Variants in CREBBP observed in about 807,000 individuals in gnomAD.
CREBBP encodes the protein CREB binding lysine acetyltransferase.
CREBBP carries 19 observed loss-of-function variants against 265.0 expected under a neutral mutation model. The observed-to-expected ratio is 0.07, with a 90% CI of 0.05 to 0.11. The LOEUF is 0.11. Ranked by LOEUF, CREBBP falls within the 10% of genes least tolerant of loss-of-function variation. The probability of loss-of-function intolerance (pLI) is 1.00; values close to 1 mark genes in which losing one functional copy is unlikely to be tolerated. For synonymous variants in CREBBP, 1,457 were observed against 1,223.7 expected, an observed-to-expected ratio of 1.19 and a Z score of -3.98; for missense variants, 2,525 against 3,219.0, an observed-to-expected ratio of 0.78 and a Z score of 5.22.
intron 20 of CREBBP, among the ~76,000 whole-genome samples, chr16:3,750,512 G>C (rs1189459885): frequency 1.3e-5 from 2 of 152,208 alleles, no homozygotes; most frequent in Non-Finnish European, 2.9e-5. Context: ...GGCAGATGTG[G>C]TGGGTGGCTG....
chr16:3,725,168 G>A lies in CREBBP; in HGVS notation c.*2550C>T, dbSNP rs9392. 0.23 allele frequency: 53,898 copies of A among 233,296 alleles called. 6,831 individuals carry two copies. The highest frequency in any genetic ancestry group is 0.43 in the East Asian group (7,136 of 16,518). 14.5% of individuals were successfully genotyped at this position (233,296 alleles called of 1,614,324 possible). A position where few individuals can be genotyped will look rare whatever the true frequency, so the allele number is the denominator to read the frequency against. ...TTCTCCTCTTAAGTATACAGCATGA[G>A]ACACAGCGTTGGGGCTTTCCAGGTT... On this transcript the variant is annotated 3_prime_UTR_variant, in exon 31 of 31. Coordinates refer to ENST00000262367, the MANE Select transcript of CREBBP (RefSeq NM_004380.3).
rs924603943 is a variant in CREBBP, at chr16:3,763,855, T to G, written c.3250+3865A>C. 1.4e-4 allele frequency among the ~76,000 whole-genome samples: 21 copies of G among 151,062 alleles called. 1 individual carries two copies. Among genetic ancestry groups the G allele is most frequent in the African/African-American group, 5.1e-4 (21 of 41,082 alleles). ...GGGAAAAAAGCAATCTTTTTTTTTT[T>G]TTTTTTTGAGAAGGAGTCTCACTCT... On this transcript the variant is annotated intron_variant, in intron 16 of 30. Coordinates refer to ENST00000262367, the MANE Select transcript of CREBBP (RefSeq NM_004380.3).
At chr16:3,835,536 A>ACAAAAAAAG (rs1414208761) in intron 2 of CREBBP, among the ~76,000 whole-genome samples, 2 of 151,746 alleles carry the variant, frequency 1.3e-5, no homozygotes, top group Non-Finnish European at 2.9e-5. Flanking sequence ...TTCTATGCCC[A>ACAAAAAAAG]CAAAAAAAGC....
rs1308941978 is a variant in CREBBP, at chr16:3,794,285, T to C, written c.976-659A>G. The stretch of plus-strand genomic sequence containing the variant: ...AGGCGGAGCTTGCAGTGAGCTGAGA[T>C]GGCGCCACCGCACTCCAGCCTGGGC... On this transcript the variant is annotated intron_variant, in intron 3 of 30. Transcript: ENST00000262367. 3.3e-4 allele frequency among the ~76,000 whole-genome samples: 40 copies of C among 121,594 alleles called. 1 individual carries two copies. The allele number at this position is 121,594 out of a possible 152,430, so 79.8% of individuals were successfully genotyped here. A position where few individuals can be genotyped will look rare whatever the true frequency, so the allele number is the denominator to read the frequency against.
chr16:3,828,118 T>C (rs2054274432), intron 2 of CREBBP, among the ~76,000 whole-genome samples: 2 of 151,150 alleles, frequency 1.3e-5, no homozygotes, highest in East Asian at 3.9e-4. Flanking sequence ...TGAGACAGAG[T>C]CTCTCGCTCT....
chr16:3,812,489 C>T (rs2053957931), intron 2 of CREBBP, among the ~76,000 whole-genome samples: 1 of 151,634 alleles, frequency 6.6e-6, no homozygotes. Flanking sequence ...TAAAATTTTC[C>T]ATAATAAAGT....
chr16:3,858,445 C>T (rs981610789), intron 1 of CREBBP, among the ~76,000 whole-genome samples: 2 of 152,302 alleles, frequency 1.3e-5, no homozygotes, highest in Admixed American at 6.5e-5. Flanking sequence ...CTCTTTTATG[C>T]TCCTACAGAC....
intron 5 of CREBBP, among the ~76,000 whole-genome samples, chr16:3,785,611 C>G (rs1027700369): frequency 6.6e-6 from 1 of 152,192 alleles, no homozygotes; most frequent in Non-Finnish European, 1.5e-5. Context: ...CATCGTGGGC[C>G]CTCGCAGCGC....
intron 1 of CREBBP, among the ~76,000 whole-genome samples, chr16:3,859,035 G>A (rs1372445373): frequency 6.6e-6 from 1 of 151,624 alleles, no homozygotes; most frequent in East Asian, 1.9e-4. Flanking sequence ...CCTATTTCCT[G>A]TGAAAAAGGT....
rs2052069390 is a variant in CREBBP at position 3,736,660 on chromosome 16, T to C, written c.4550A>G (p.His1517Arg). The C allele has an allele frequency of 6.2e-7, 1 of 1,614,216 alleles. No homozygotes were observed. Among genetic ancestry groups the C allele is most frequent in the Non-Finnish European group, 8.5e-7 (1 of 1,180,040 alleles). The change falls in exon 27 of 31, where the codon CAT becomes CGT. Residue 1517 changes from histidine to arginine, a missense_variant. His to Arg is a conservative substitution (Grantham distance 29). Around this residue, in one of 19 missense-constraint regions of CREBBP, gnomAD observed 93 missense variants for 161.5 expected, o/e 0.58. Transcript: ENST00000262367. Reference sequence around the variant, plus strand: ...TTCAGCGCCGGGTACCTTGTAGTCATGGATGATCCGCTCTGCAAACGCCTT... The same window carrying C: ...TTCAGCGCCGGGTACCTTGTAGTCACGGATGATCCGCTCTGCAAACGCCTT... ...LDKAFAERIIHDYKDIFKQAT... is the reference protein window; with the variant it reads ...LDKAFAERIIRDYKDIFKQAT...
intron 26 of CREBBP, chr16:3,737,063 A>G (rs1310509218): frequency 8.7e-6 from 5 of 572,554 alleles, no homozygotes; most frequent in Non-Finnish European, 1.6e-5. Flanking sequence ...CCGAGGCTGC[A>G]AAAGAAACCT....
chr16:3,767,881 G>A lies in CREBBP; in HGVS notation c.3089C>T (p.Ser1030Phe), dbSNP rs757051244. 30 of 1,613,870 alleles carry A rather than the reference G, an allele frequency of 1.9e-5. No homozygotes were observed. In the Admixed American group the frequency reaches 3.3e-4, roughly 18 times the overall value. Reference sequence around the variant, plus strand: ...TATGTCTGTTTCTTCTTTAACTTGGGAAGCTCCTTGCAAATCCTCCTCCAT... The same window carrying A: ...TATGTCTGTTTCTTCTTTAACTTGGAAAGCTCCTTGCAAATCCTCCTCCAT... ...EMMEEDLQGA[S>F]QVKEETDIAE... The change falls in exon 16 of 31, where the codon TCC becomes TTC. Residue 1030 changes from serine to phenylalanine, a missense_variant. Around this residue, in one of 19 missense-constraint regions of CREBBP, gnomAD observed 548 missense variants for 533.0 expected, o/e 1.03. Coordinates refer to ENST00000262367, the MANE Select transcript of CREBBP (RefSeq NM_004380.3).
intron 2 of CREBBP, among the ~76,000 whole-genome samples, chr16:3,831,669 C>G (rs891276011): frequency 6.6e-6 from 1 of 152,150 alleles, no homozygotes; most frequent in Middle Eastern, 3.4e-3. Context: ...AGAGAGCACA[C>G]CAGACATTAT....
At chr16:3,756,085 C>A (rs577231180) in intron 19 of CREBBP, among the ~76,000 whole-genome samples, 21 of 152,058 alleles carry the variant, frequency 1.4e-4, no homozygotes, top group African/African-American at 4.8e-4. Context: ...AATTTTCAGG[C>A]CTGTGAACAA....
In CREBBP at chr16:3,725,251, G is replaced by T. The variant is rs193262955; in HGVS notation, c.*2467C>A. ...GTTAGCATCCACAGACCATGCTCTC[G>T]GTCACATCCTTCGACATCTGGATTG... On this transcript the variant is annotated 3_prime_UTR_variant, in exon 31 of 31. Transcript: ENST00000262367. The T allele has an allele frequency of 4.3e-6, 1 of 233,350 alleles. No individual in the cohort carries two copies. The highest frequency in any genetic ancestry group is 6.0e-5 in the East Asian group (1 of 16,584). The allele number at this position is 233,350 out of a possible 1,614,324, so 14.5% of individuals were successfully genotyped here.
chr16:3,862,067 T>C (rs998011667), intron 1 of CREBBP, among the ~76,000 whole-genome samples: 3 of 152,086 alleles, frequency 2.0e-5, no homozygotes, highest in Non-Finnish European at 2.9e-5. Context: ...TGAGATAGAA[T>C]AGAAGTCGGC....
intron 28 of CREBBP, among the ~76,000 whole-genome samples, chr16:3,732,360 G>T (rs2051939705): frequency 1.3e-5 from 2 of 152,142 alleles, no homozygotes; most frequent in Non-Finnish European, 2.9e-5. Flanking sequence ...GAAAGCTGCT[G>T]ATGGGAAAAG....
chr16:3,824,513 A>T (rs970353208), intron 2 of CREBBP, among the ~76,000 whole-genome samples: 1 of 152,240 alleles, frequency 6.6e-6, no homozygotes, highest in Non-Finnish European at 1.5e-5. Flanking sequence ...TAGTCACAGA[A>T]GGCAAGCACT....
chr16:3,758,824 G>T, intron 17 of CREBBP, 30 bp downstream of exon 17: 1 of 1,520,616 alleles, frequency 6.6e-7, no homozygotes, highest in African/African-American at 1.4e-5. Flanking sequence ...CACCAGCAAA[G>T]TTATAATCTA....
Sources: gnomAD v4.1 joint callset for allele counts (sites outside exome capture counted in the v4.1 genomes callset) on GRCh38, gnomAD v4.1.1 for gene constraint, gnomAD v4.1.1 regional missense constraint, MANE v1.5 for transcripts, NCBI Gene and HGNC (gene_info 2026-07-23, HGNC 2026-07-21) for gene names.